Variants in SMAD4 observed in about 807,000 individuals in gnomAD.
SMAD4 encodes the protein SMAD family member 4, also known as MAD homolog 4.
In SMAD4, 7 loss-of-function variants were observed where a neutral mutation model predicts 63.2. The observed-to-expected ratio is 0.11, with a 90% confidence interval of 0.06 to 0.21. The LOEUF is 0.21. SMAD4 is among the 10% of genes least tolerant of loss of function. The probability of loss-of-function intolerance (pLI) is 1.00; values close to 1 mark genes in which losing one functional copy is unlikely to be tolerated. For missense variants in SMAD4, 312 were observed against 693.8 expected (o/e 0.45, Z 6.18); for synonymous variants, 215 against 235.4 (o/e 0.91, Z 0.79).
At chr18:51,068,352 C>T (rs1050546269) in intron 10 of SMAD4, among the ~76,000 whole-genome samples, 63 of 152,086 alleles carry the variant, frequency 4.1e-4, no homozygotes, top group African/African-American at 1.4e-3. Flanking sequence ...TTCCTGGAGT[C>T]GTTGAAAGCC....
intron 1 of SMAD4, among the ~76,000 whole-genome samples, chr18:51,033,168 A>C (rs1157938582): frequency 6.6e-6 from 1 of 150,570 alleles, no homozygotes; most frequent in Non-Finnish European, 1.5e-5. Context: ...TAAAGGACTT[A>C]CACCAGCATA....
rs547844589 is a variant in SMAD4 at position 51,058,872 on chromosome 18, T to G, written c.904+416T>G. On this transcript the variant is annotated intron_variant, in intron 7 of 11. Transcript: ENST00000342988. ...AATGTTGAATCTATAGATAACTCTG[T>G]GCTGGCATGATTGGGAGGAATACCC... 1.6e-4 allele frequency among the ~76,000 whole-genome samples: 24 copies of G among 152,314 alleles called. No individual in the cohort carries two copies. In the South Asian group the frequency reaches 5.0e-3, roughly 32 times the overall value.
intron 5 of SMAD4, among the ~76,000 whole-genome samples, chr18:51,056,251 T>G (rs180975407): frequency 3.3e-5 from 5 of 152,266 alleles, no homozygotes; most frequent in African/African-American, 1.2e-4. Flanking sequence ...AGCTACCTAC[T>G]TCTGTTTATA....
At chr18:51,074,150 G>A (rs1910409855) in intron 10 of SMAD4, among the ~76,000 whole-genome samples, 1 of 151,206 alleles carries the variant, frequency 6.6e-6, no homozygotes, top group Non-Finnish European at 1.5e-5. Context: ...AAGGTAGGAG[G>A]ATTGCTTGAG....
chr18:51,042,273 T>G (rs1301502963), intron 1 of SMAD4, among the ~76,000 whole-genome samples: 1 of 151,250 alleles, frequency 6.6e-6, no homozygotes, highest in Non-Finnish European at 1.5e-5. Context: ...AATTCATTTT[T>G]TTCTTGCCTG....
At chr18:51,058,806 C>A (rs1909922292) in intron 7 of SMAD4, among the ~76,000 whole-genome samples, 1 of 152,084 alleles carries the variant, frequency 6.6e-6, no homozygotes, top group African/African-American at 2.4e-5. Context: ...GTGCTAAGTT[C>A]TCAAGGTTTC....
At chr18:51,030,786 G>GGCCGGGCGGGCCGGCTGAAT (rs1224004774) in intron 1 of SMAD4, among the ~76,000 whole-genome samples, 163 bp downstream of exon 1, 2 of 151,434 alleles carry the variant, frequency 1.3e-5, no homozygotes, top group African/African-American at 2.4e-5. Context: ...TGACGAGCCG[G>GGCCGGGCGGGCCGGCTGAAT]GCCGGGCGGG....
At chr18:51,043,099 G>A (rs138411318) in intron 1 of SMAD4, among the ~76,000 whole-genome samples, 1 of 152,106 alleles carries the variant, frequency 6.6e-6, no homozygotes, top group Non-Finnish European at 1.5e-5. Flanking sequence ...TTTTGTTATA[G>A]TTAGGGCATT....
At chr18:51,071,775 C>G (rs183096119) in intron 10 of SMAD4, among the ~76,000 whole-genome samples, 1 of 152,172 alleles carries the variant, frequency 6.6e-6, no homozygotes, top group Admixed American at 6.5e-5. Flanking sequence ...TAACTATCAC[C>G]CCCAAATCTC....
rs1910602448 is a variant in SMAD4 at position 51,081,096 on chromosome 18, T to G, written c.*2629T>G. On this transcript the variant is annotated 3_prime_UTR_variant, in exon 12 of 12. Coordinates refer to ENST00000342988, the MANE Select transcript of SMAD4 (RefSeq NM_005359.6). Reference sequence around the variant, plus strand: ...ATTCCTGAGAGCTTGGTTGTTAATCTATATTTCTATTTCTTAGTGGTAGTC... The same window carrying G: ...ATTCCTGAGAGCTTGGTTGTTAATCGATATTTCTATTTCTTAGTGGTAGTC... 4.6e-6 allele frequency: 1 copy of G among 216,052 alleles called. No individual in the cohort carries two copies. Among genetic ancestry groups the G allele is most frequent in the African/African-American group, 2.3e-5 (1 of 44,410 alleles). 13.4% of individuals were successfully genotyped at this position (216,052 alleles called of 1,614,324 possible).
intron 10 of SMAD4, among the ~76,000 whole-genome samples, chr18:51,070,658 A>G (rs529743183): frequency 1.3e-5 from 2 of 152,292 alleles, no homozygotes; most frequent in South Asian, 2.1e-4. Context: ...AACAATTCAT[A>G]GGTTTTAAAA....
At chr18:51,059,338 C>T (rs546279088) in intron 7 of SMAD4, among the ~76,000 whole-genome samples, 2 of 152,232 alleles carry the variant, frequency 1.3e-5, no homozygotes, top group African/African-American at 2.4e-5. Context: ...CCTCATTAAG[C>T]CTCAAGAGTA....
chr18:51,047,762 C>T (rs1489684038), intron 2 of SMAD4, among the ~76,000 whole-genome samples: 1 of 152,130 alleles, frequency 6.6e-6, no homozygotes, highest in Non-Finnish European at 1.5e-5. Flanking sequence ...GCAAGTGCAA[C>T]CATGCCTGGC....
intron 10 of SMAD4, 147 bp from the exon 11 acceptor site, chr18:51,076,491 A>G: frequency 1.4e-6 from 1 of 693,204 alleles, no homozygotes; most frequent in Non-Finnish European, 2.5e-6. Context: ...GACCAATCAC[A>G]ATGTACATAA....
rs1910174169 is a variant in SMAD4, at chr18:51,066,915, CTTTA to C, written c.1140-100_1140-97del. The C allele has an allele frequency of 5.5e-6, 5 of 914,774 alleles. 1 individual carries two copies. The South Asian group carries it at 7.3e-5, about 13-fold the overall frequency. The allele number at this position is 914,774 out of a possible 1,614,324, so 56.7% of individuals were successfully genotyped here. A position where few individuals can be genotyped will look rare whatever the true frequency, so the allele number is the denominator to read the frequency against. The stretch of plus-strand genomic sequence containing the variant: ...TAGCTATCTTTTGGTTTTATGTGAT[CTTTA>C]TTTTTAATTTTTCAATATTAAGCAT... On this transcript the variant is annotated intron_variant, in intron 9 of 11. Transcript: ENST00000342988.
chr18:51,073,388 T>TATATATACACACAC (rs1417299090), intron 10 of SMAD4, among the ~76,000 whole-genome samples: 39 of 64,162 alleles, frequency 6.1e-4, no homozygotes, highest in African/African-American at 1.3e-3. Context: ...TATATATATA[T>TATATATACACACAC]ACACACACAC....
intron 1 of SMAD4, among the ~76,000 whole-genome samples, chr18:51,046,413 C>A (rs906175956): frequency 6.8e-6 from 1 of 148,088 alleles, no homozygotes. Flanking sequence ...CCTTTAGAAT[C>A]CTTTTGTTCA....
At chr18:51,071,999 G>A (rs1910330316) in intron 10 of SMAD4, among the ~76,000 whole-genome samples, 1 of 152,156 alleles carries the variant, frequency 6.6e-6, no homozygotes. Context: ...TTGTTCATCA[G>A]TTTATCCATT....
Position 51,044,173 on chromosome 18 carries a change from C to G in SMAD4, c.-127-2747C>G, listed in dbSNP as rs370515841. On this transcript the variant is annotated intron_variant, in intron 1 of 11. Coordinates refer to ENST00000342988, the MANE Select transcript of SMAD4 (RefSeq NM_005359.6). Reference sequence around the variant, plus strand: ...CCGATTCCTTTCCTTTCTACTGAGTCTCACTCTGTTGCCCAGGCTGGGGTG... The same window carrying G: ...CCGATTCCTTTCCTTTCTACTGAGTGTCACTCTGTTGCCCAGGCTGGGGTG... Among the ~76,000 whole-genome samples the G allele has an allele frequency of 2.7e-4, 41 of 152,228 alleles. No homozygotes were observed. The South Asian group carries it at 7.5e-3, about 28-fold the overall frequency.
Sources: allele counts gnomAD v4.1 joint callset (sites outside exome capture counted in the v4.1 genomes callset), GRCh38; gene constraint gnomAD v4.1.1; transcripts MANE v1.5; gene names NCBI Gene and HGNC (gene_info 2026-07-23, HGNC 2026-07-21).